ANKRD26: variants seen among roughly 807,000 people sequenced by gnomAD.
ANKRD26 encodes ankyrin repeat domain 26.
ANKRD26 carries 141 observed loss-of-function variants against 208.7 expected under a neutral mutation model. The ratio of observed to expected loss-of-function variants is 0.68; its 90% CI spans 0.59 to 0.78. ANKRD26 has a LOEUF of 0.78. Among genes scored for constraint, ANKRD26 ranks in the 30% least tolerant of loss-of-function variants. ANKRD26 has a pLI of 0.00. For synonymous variants in ANKRD26, 636 were observed against 660.4 expected (o/e 0.96, Z 0.57); for missense variants, 1,889 against 1,938.7 (o/e 0.97, Z 0.48).
chr10:27,074,420 G>C (rs4749221), intron 9 of ANKRD26, among the ~76,000 whole-genome samples: 125,609 of 152,292 alleles, frequency 0.82, 52,089 homozygotes, highest in East Asian at 0.99. Flanking sequence ...GTGGCTCACG[G>C]CTGCAATCCC....
the ANKRD26 span, among the ~76,000 whole-genome samples, chr10:26,948,659 C>A: frequency 6.6e-6 from 1 of 151,990 alleles, no homozygotes; most frequent in East Asian, 1.9e-4. Context: ...TTTTGATAAA[C>A]CACATGAGTT....
chr10:26,947,673 C>CA, the ANKRD26 span, among the ~76,000 whole-genome samples: 1 of 152,326 alleles, frequency 6.6e-6, no homozygotes, highest in Non-Finnish European at 1.5e-5. Flanking sequence ...GAGGAAGCGG[C>CA]ATGAGCTGGA....
Position 27,054,241 on chromosome 10 carries a change from C to CGATAATT in ANKRD26, c.1565-858_1565-852dup, listed in dbSNP as rs1442248562. On this transcript the variant is annotated intron_variant, in intron 15 of 33. Coordinates refer to ENST00000376087, the MANE Select transcript of ANKRD26 (RefSeq NM_014915.3). ...ATAAACAGTCTTTATCTATTTTACT[C>CGATAATT]GATAATTATTTACTGAGTTCCTGCT... is the stretch of plus-strand genomic sequence containing the variant. Among the ~76,000 whole-genome samples, 86 of 152,148 alleles carry CGATAATT rather than the reference C, an allele frequency of 5.7e-4. 1 individual carries two copies. Among genetic ancestry groups the CGATAATT allele is most frequent in the African/African-American group, 1.9e-3 (80 of 41,496 alleles).
intron 16 of ANKRD26, chr10:27,051,138 T>C (rs1450649422): frequency 7.8e-7 from 1 of 1,290,246 alleles, no homozygotes; most frequent in Non-Finnish European, 1.0e-6. Context: ...TTTAAACCTT[T>C]GCATATCTTG....
intron 29 of ANKRD26, 45 bp from the exon 30 acceptor site, chr10:27,017,837 T>A (rs1229282599): frequency 6.4e-7 from 1 of 1,555,630 alleles, no homozygotes. Flanking sequence ...GGAAGTAGCC[T>A]GAGAATAGCC....
At chr10:27,013,220 T>C in intron 31 of ANKRD26, 110 bp from the exon 32 acceptor site, 1 of 912,504 alleles carries the variant, frequency 1.1e-6, no homozygotes, top group South Asian at 1.4e-5. Flanking sequence ...AAATTTCCCA[T>C]TAACCAGTAT....
At chr10:27,046,177 T>C (rs1264233064) in intron 18 of ANKRD26, 176 bp downstream of exon 18, 4 of 692,888 alleles carry the variant, frequency 5.8e-6, no homozygotes, top group South Asian at 3.6e-5. Flanking sequence ...CAGGGCTCCA[T>C]GGTGACCATT....
At chr10:27,090,357 C>A (rs1029720524) in intron 4 of ANKRD26, among the ~76,000 whole-genome samples, 3 of 152,194 alleles carry the variant, frequency 2.0e-5, no homozygotes, top group African/African-American at 7.2e-5. Flanking sequence ...TGTGCCACTG[C>A]ACTCCAGCCT....
the ANKRD26 span, among the ~76,000 whole-genome samples, chr10:26,951,864 G>A: frequency 6.6e-6 from 1 of 152,206 alleles, no homozygotes; most frequent in Admixed American, 6.5e-5. Flanking sequence ...GCCCCTCTCA[G>A]GATAAGCTAA....
At chr10:26,976,371 C>G (rs61851002) in intron 5 of ANKRD26, among the ~76,000 whole-genome samples, 2 of 152,050 alleles carry the variant, frequency 1.3e-5, no homozygotes, top group Admixed American at 6.5e-5. Context: ...CCCACCACCA[C>G]GCCTGGCTAA....
chr10:27,064,331 G>A (rs957671473), intron 11 of ANKRD26, among the ~76,000 whole-genome samples: 10 of 151,976 alleles, frequency 6.6e-5, no homozygotes, highest in African/African-American at 2.4e-4. Flanking sequence ...AAGTCCCAAG[G>A]ACACATATTA....
At position 27,014,501 on chromosome 10, in the gene ANKRD26, G is replaced by C. The variant is rs2053224451; in HGVS notation, c.4717C>G (p.Leu1573Val). Reference protein sequence around the residue: ...LKVRKSLSSKLTKTNERLAEV... With the variant: ...LKVRKSLSSKVTKTNERLAEV... ...TTCTATATTTTGACTTACTTGGTTA[G>C]TTTACTTGACAAAGATTTTCTAACT... is the stretch of plus-strand genomic sequence containing the variant. Residue 1573 changes from leucine to valine, a missense_variant, in exon 31 of 34, where the codon CTA becomes GTA. By Grantham distance (32) the Leu-to-Val change is conservative. Transcript: ENST00000376087. The C allele has an allele frequency of 6.4e-7, 1 of 1,568,878 alleles. No homozygotes were observed. Among genetic ancestry groups the C allele is most frequent in the African/African-American group, 1.4e-5 (1 of 73,556 alleles).
At chr10:27,029,082 G>A (rs890436299) in intron 26 of ANKRD26, 137 bp from the exon 27 acceptor site, 20 of 992,536 alleles carry the variant, frequency 2.0e-5, no homozygotes, top group Middle Eastern at 3.2e-4. Context: ...CAACTCTATC[G>A]TTTTTCTAGT....
At chr10:27,000,777 G>T (rs1360169151), downstream of ANKRD26, among the ~76,000 whole-genome samples, 1 of 152,218 alleles carries the variant, frequency 6.6e-6, no homozygotes, top group East Asian at 1.9e-4. Flanking sequence ...GCCGAGGCAG[G>T]TGGATCACCT....
Position 27,020,024 on chromosome 10 carries a change from C to T in ANKRD26, c.4216-2232G>A, listed in dbSNP as rs148105758. On this transcript the variant is annotated intron_variant, in intron 29 of 33. Coordinates refer to ENST00000376087, the MANE Select transcript of ANKRD26 (RefSeq NM_014915.3). The stretch of plus-strand genomic sequence containing the variant: ...TCACAAGATCGGGGCTGGGTTCCAA[C>T]GGCAAGGAGTCTGAGATAGGAAGCC... 1.4e-4 allele frequency among the ~76,000 whole-genome samples: 21 copies of T among 152,282 alleles called. No homozygotes were observed. The East Asian group carries it at 3.5e-3, about 25-fold the overall frequency.
downstream of ANKRD26, among the ~76,000 whole-genome samples, chr10:27,000,338 GA>G (rs1246750477): frequency 1.3e-5 from 2 of 152,130 alleles, no homozygotes; most frequent in African/African-American, 4.8e-5. Context: ...CATACTTATT[GA>G]AAAATATTGT....
chr10:26,950,424 G>A, the ANKRD26 span, among the ~76,000 whole-genome samples: 2 of 143,446 alleles, frequency 1.4e-5, no homozygotes, highest in African/African-American at 5.1e-5. Flanking sequence ...TTATAGCAGT[G>A]TGAAAACGTA....
intron 28 of ANKRD26, among the ~76,000 whole-genome samples, chr10:27,023,393 AG>A (rs367700443): frequency 1.7e-3 from 260 of 152,148 alleles, no homozygotes; most frequent in African/African-American, 6.1e-3. Context: ...TGGTTGAAAA[AG>A]ACACAAAAAT....
intron 5 of ANKRD26, among the ~76,000 whole-genome samples, chr10:27,083,953 G>A (rs1458872255): frequency 1.3e-5 from 2 of 152,206 alleles, no homozygotes; most frequent in South Asian, 4.1e-4. Context: ...AGTGGCCCAT[G>A]CCTGTTATCC....
Sources: gnomAD v4.1 joint callset for allele counts (sites outside exome capture counted in the v4.1 genomes callset) on GRCh38, gnomAD v4.1.1 for gene constraint, MANE v1.5 for transcripts, NCBI Gene and HGNC (gene_info 2026-07-23, HGNC 2026-07-21) for gene names.